Variants in SAMD5 observed in about 807,000 individuals in gnomAD.
SAMD5 encodes the protein sterile alpha motif domain containing 5.
A neutral mutation model predicts 11.3 loss-of-function variants in SAMD5; 13 were observed. That is an observed-to-expected ratio of 1.15 (90% CI 0.75 to 1.83). The LOEUF (loss-of-function observed/expected upper bound fraction) is 1.83, where lower values mean the gene tolerates loss of function less well. Ranked by LOEUF, SAMD5 falls within the 40% of genes most tolerant of loss-of-function variation. SAMD5 has a pLI of 0.00. For synonymous variants in SAMD5, 129 were observed against 111.3 expected (o/e 1.16, Z -1.00); for missense variants, 255 against 239.1 (o/e 1.07, Z -0.44).
chr6:147,614,265 C>T (rs1048953786), intron 1 of SAMD5, among the ~76,000 whole-genome samples: 4 of 151,652 alleles, frequency 2.6e-5, no homozygotes, highest in Non-Finnish European at 5.9e-5. Flanking sequence ...CTCAGGAGTT[C>T]GAGACCAGCC....
chr6:147,638,200 T>C (rs1186966778), intron 1 of SAMD5, among the ~76,000 whole-genome samples: 1 of 152,158 alleles, frequency 6.6e-6, no homozygotes, highest in East Asian at 1.9e-4. Flanking sequence ...TTTAAACGTG[T>C]CTATTTCTGA....
chr6:147,627,221 A>G (rs1051430232), intron 1 of SAMD5, among the ~76,000 whole-genome samples: 6 of 152,214 alleles, frequency 3.9e-5, no homozygotes, highest in African/African-American at 1.4e-4. Context: ...TCCGTGTGTC[A>G]AAAGTTACCT....
At chr6:147,913,493 C>T in the SAMD5 span, among the ~76,000 whole-genome samples, 5 of 152,124 alleles carry the variant, frequency 3.3e-5, no homozygotes, top group East Asian at 1.9e-4. Context: ...GTCAGGAGTT[C>T]GAGACTAGCC....
the SAMD5 span, among the ~76,000 whole-genome samples, chr6:147,928,779 AC>A: frequency 1.0e-3 from 152 of 152,052 alleles, no homozygotes; most frequent in Admixed American, 2.6e-3. Flanking sequence ...GATCTTTCTA[AC>A]TTTTTGATGT....
At chr6:147,902,099 G>A in the SAMD5 span, among the ~76,000 whole-genome samples, 1 of 151,732 alleles carries the variant, frequency 6.6e-6, no homozygotes, top group Admixed American at 6.6e-5. Flanking sequence ...TGTAATTGTG[G>A]CTTTCTAATT....
intron 1 of SAMD5, among the ~76,000 whole-genome samples, chr6:147,647,995 T>A (rs1352267637): frequency 1.3e-5 from 2 of 152,226 alleles, no homozygotes; most frequent in East Asian, 3.8e-4. Flanking sequence ...AACCCAGGTC[T>A]GTAGGTCTTG....
intron 1 of SAMD5, among the ~76,000 whole-genome samples, chr6:147,522,582 A>G (rs1192858578): frequency 6.6e-6 from 1 of 152,238 alleles, no homozygotes; most frequent in Non-Finnish European, 1.5e-5. Context: ...TTTTAAAGAA[A>G]GCAGAGTGTG....
the SAMD5 span, among the ~76,000 whole-genome samples, chr6:147,819,569 A>C: frequency 2.0e-5 from 3 of 152,248 alleles, no homozygotes; most frequent in Middle Eastern, 3.2e-3. Flanking sequence ...AAAAAGAAAG[A>C]GTTTGCAAAT....
chr6:147,671,889 A>ATT (rs56865442), intron 1 of SAMD5, among the ~76,000 whole-genome samples: 8,974 of 97,964 alleles, frequency 0.092, 616 homozygotes, highest in South Asian at 0.11. Context: ...CTTTTTCAGG[A>ATT]TTTTTTTTTT....
At chr6:147,557,154 A>C (rs933927328) in intron 1 of SAMD5, among the ~76,000 whole-genome samples, 3 of 152,246 alleles carry the variant, frequency 2.0e-5, no homozygotes, top group African/African-American at 7.2e-5. Context: ...GGAAGAAGTC[A>C]AACTTTTTCA....
chr6:147,803,235 T>C, the SAMD5 span, among the ~76,000 whole-genome samples: 3 of 151,836 alleles, frequency 2.0e-5, no homozygotes, highest in African/African-American at 7.3e-5. Context: ...AGATTGTATA[T>C]GTTTCTTCGT....
intron 1 of SAMD5, among the ~76,000 whole-genome samples, chr6:147,516,402 C>T (rs1213330377): frequency 6.6e-6 from 1 of 152,134 alleles, no homozygotes; most frequent in African/African-American, 2.4e-5. Flanking sequence ...GAGTTCGAGT[C>T]CCAGCTCTGC....
chr6:147,583,445 C>T (rs1276042757), intron 1 of SAMD5, among the ~76,000 whole-genome samples: 2 of 151,996 alleles, frequency 1.3e-5, no homozygotes, highest in Admixed American at 6.6e-5. Context: ...CACAAGAAAC[C>T]CTCTTTGTTT....
chr6:147,893,754 A>G, the SAMD5 span, among the ~76,000 whole-genome samples: 2 of 152,140 alleles, frequency 1.3e-5, no homozygotes, highest in African/African-American at 2.4e-5. Flanking sequence ...TATTAATTTT[A>G]TAGTCATCTA....
the SAMD5 span, among the ~76,000 whole-genome samples, chr6:147,925,384 A>G: frequency 2.0e-5 from 3 of 152,172 alleles, no homozygotes; most frequent in Non-Finnish European, 4.4e-5. Flanking sequence ...TCTGTTGTTT[A>G]AGCCACCAGT....
the SAMD5 span, among the ~76,000 whole-genome samples, chr6:147,905,874 G>C: frequency 5.9e-5 from 9 of 152,126 alleles, no homozygotes; most frequent in Non-Finnish European, 1.3e-4. Flanking sequence ...TGGGCCAAAG[G>C]GATATGTAGT....
chr6:147,827,397 A>G, the SAMD5 span, among the ~76,000 whole-genome samples: 9 of 152,250 alleles, frequency 5.9e-5, no homozygotes, highest in East Asian at 1.5e-3. Context: ...GTCAACTGAG[A>G]AAAATGTCAC....
rs1788219337 is a variant in SAMD5, at chr6:147,519,448, A to G, written c.459+10061A>G. Among the ~76,000 whole-genome samples the G allele has an allele frequency of 2.0e-5, 3 of 152,226 alleles. No homozygotes were observed. In the South Asian group the frequency reaches 6.2e-4, roughly 31 times the overall value. ...AGTAAAAATATTTCATCTGCAAAAC[A>G]GAATTTGCATTTACCAAACTCAAGC... On this transcript the variant is annotated intron_variant, in intron 1 of 1. Coordinates refer to ENST00000367474, the MANE Select transcript of SAMD5 (RefSeq NM_001030060.3).
At chr6:147,815,988 T>C in the SAMD5 span, among the ~76,000 whole-genome samples, 1 of 152,026 alleles carries the variant, frequency 6.6e-6, no homozygotes, top group African/African-American at 2.4e-5. Flanking sequence ...TAAAAGTATA[T>C]TAGAAAGAAG....
Sources: allele counts gnomAD v4.1 joint callset (sites outside exome capture counted in the v4.1 genomes callset), GRCh38; gene constraint gnomAD v4.1.1; transcripts MANE v1.5; gene names NCBI Gene and HGNC (gene_info 2026-07-23, HGNC 2026-07-21).